Variants in FPR3 observed in about 807,000 individuals in gnomAD.
The protein encoded by FPR3 is formyl peptide receptor 3.
For missense variants in FPR3, 346 were observed against 443.2 expected (o/e 0.78, Z 1.97); for synonymous variants, 135 against 163.6 (o/e 0.83, Z 1.34).
chr19:51,822,030 C>T (rs571786682), intron 1 of FPR3, among the ~76,000 whole-genome samples: 1 of 152,158 alleles, frequency 6.6e-6, no homozygotes, highest in East Asian at 1.9e-4. Context: ...TAACAAATAC[C>T]TTGGATGTTT....
chr19:51,817,387 TAAAG>T (rs371137892), intron 1 of FPR3, among the ~76,000 whole-genome samples: 4 of 151,866 alleles, frequency 2.6e-5, no homozygotes, highest in East Asian at 1.9e-4. Flanking sequence ...CAAGAAATCA[TAAAG>T]AGAGAGAGAG....
At chr19:51,811,938 C>A (rs529894438) in intron 1 of FPR3, among the ~76,000 whole-genome samples, 1 of 152,268 alleles carries the variant, frequency 6.6e-6, no homozygotes, top group East Asian at 1.9e-4. Flanking sequence ...CGGCTCCCTG[C>A]AAGGATCCCA....
intron 1 of FPR3, among the ~76,000 whole-genome samples, chr19:51,819,692 A>G (rs979216717): frequency 2.7e-5 from 4 of 150,848 alleles, no homozygotes; most frequent in Non-Finnish European, 5.9e-5. Flanking sequence ...GTGAGGTGAG[A>G]AAAAAAAAGC....
Position 51,824,790 on chromosome 19 carries a change from A to T in FPR3, c.1042A>T (p.Thr348Ser), listed in dbSNP as rs2084219831. ...DTTSASPPEETELQAM is the reference protein window; with the variant it reads ...DTTSASPPEESELQAM ...CACTTCTGCTTCACCTCCTGAGGAG[A>T]CGGAGTTACAAGCAATGTGAGGTCG... The change falls in exon 2 of 2, where the codon ACG becomes TCG. Residue 348 changes from threonine to serine, a missense_variant. By Grantham distance (58) the Thr-to-Ser change is moderately conservative. Transcript: ENST00000339223. The surrounding 1 kb of genome is among the most constrained non-coding windows in gnomAD (Gnocchi z 4.7). 1.2e-6 allele frequency: 2 copies of T among 1,612,280 alleles called. No homozygotes were observed. Among genetic ancestry groups the T allele is most frequent in the East Asian group, 4.5e-5 (2 of 44,728 alleles).
intron 1 of FPR3, among the ~76,000 whole-genome samples, chr19:51,815,990 C>T (rs1463108672): frequency 6.6e-6 from 1 of 151,968 alleles, no homozygotes; most frequent in East Asian, 1.9e-4. Context: ...TCACTTGAGC[C>T]CAGGAGTTTG....
chr19:51,798,931 A>G (rs952191993), intron 1 of FPR3, among the ~76,000 whole-genome samples: 1 of 151,982 alleles, frequency 6.6e-6, no homozygotes, highest in Non-Finnish European at 1.5e-5. Context: ...CCTGGCCAAC[A>G]TGGTGAAACC....
rs752241328 is a variant in FPR3, at chr19:51,824,101, T to A, written c.353T>A (p.Ile118Asn). The A allele has an allele frequency of 6.2e-7, 1 of 1,614,122 alleles. No homozygotes were observed. The highest frequency in any genetic ancestry group is 8.5e-7 in the Non-Finnish European group (1 of 1,179,986). ...NLFVSVYLIT[I>N]IALDRCICVL... ...TTTGTCAGTGTCTACCTGATCACCA[T>A]CATTGCTCTGGACCGCTGTATTTGT... Residue 118 changes from isoleucine (I) to asparagine (N), a missense_variant, in exon 2 of 2, where the codon ATC becomes AAC. Coordinates refer to ENST00000339223, the MANE Select transcript of FPR3 (RefSeq NM_002030.5). This position sits in a 1 kb window ranked among gnomAD's most constrained non-coding sequence, Gnocchi z 4.7.
intron 1 of FPR3, among the ~76,000 whole-genome samples, chr19:51,820,474 G>C (rs2084180130): frequency 6.6e-6 from 1 of 152,182 alleles, no homozygotes; most frequent in African/African-American, 2.4e-5. Flanking sequence ...ATCATCTCTG[G>C]TCCACGGTTC....
intron 1 of FPR3, among the ~76,000 whole-genome samples, chr19:51,796,427 G>T (rs1480805300): frequency 2.0e-5 from 3 of 152,204 alleles, no homozygotes; most frequent in African/African-American, 7.2e-5. Flanking sequence ...CCATCGGAAG[G>T]TATTGCGAAT....
intron 1 of FPR3, among the ~76,000 whole-genome samples, chr19:51,800,612 C>T (rs992767350): frequency 6.6e-6 from 1 of 152,148 alleles, no homozygotes; most frequent in African/African-American, 2.4e-5. Context: ...TAAGGATGTT[C>T]GTGTGCCTTG....
rs146472974 is a variant in FPR3 at position 51,797,766 on chromosome 19, G to C, written c.-11+2435G>C. Among the ~76,000 whole-genome samples, 1,119 of 152,048 alleles carry C rather than the reference G, an allele frequency of 7.4e-3. 4 individuals carry two copies. Among genetic ancestry groups the C allele is most frequent in the Non-Finnish European group, 0.013 (889 of 67,978 alleles). ...TCTTGTCCTGACCCTGAGCTTCATA[G>C]TGCAGGGTTCGGGATTGTACCCCAC... On this transcript the variant is annotated intron_variant, in intron 1 of 1. Transcript: ENST00000339223.
intron 1 of FPR3, among the ~76,000 whole-genome samples, chr19:51,805,828 G>A (rs1190613293): frequency 6.6e-6 from 1 of 152,114 alleles, no homozygotes; most frequent in African/African-American, 2.4e-5. Flanking sequence ...AAGGCTCTAC[G>A]GGCACAATAA....
At position 51,823,729 on chromosome 19, in the gene FPR3, A is replaced by C; in HGVS notation, c.-10-10A>C. 1 of 1,548,282 alleles carries C rather than the reference A, an allele frequency of 6.5e-7. No homozygotes were observed. Among genetic ancestry groups the C allele is most frequent in the Non-Finnish European group, 8.7e-7 (1 of 1,146,972 alleles). On this transcript the variant is annotated splice_polypyrimidine_tract_variant and intron_variant, in intron 1 of 1. Transcript: ENST00000339223. ...ACAGCTGAGAAATGGCCATTGCTGA[A>C]ATGTTTCAGGTGTGGGAAGATGGAA...
chr19:51,809,940 AG>A (rs1473166765), intron 1 of FPR3, among the ~76,000 whole-genome samples: 2 of 152,034 alleles, frequency 1.3e-5, no homozygotes, highest in Non-Finnish European at 2.9e-5. Flanking sequence ...ATTTCCCAGC[AG>A]GGGGGTGCCA....
chr19:51,812,423 C>T (rs1215509336), intron 1 of FPR3, among the ~76,000 whole-genome samples: 1 of 152,116 alleles, frequency 6.6e-6, no homozygotes, highest in Non-Finnish European at 1.5e-5. Flanking sequence ...GCTGTAGTCC[C>T]ATCTATCAGG....
intron 1 of FPR3, among the ~76,000 whole-genome samples, chr19:51,806,013 C>T (rs1285252554): frequency 2.0e-5 from 3 of 152,210 alleles, no homozygotes; most frequent in Non-Finnish European, 2.9e-5. Context: ...GCAAGATTTA[C>T]AGGTCAACTG....
chr19:51,795,504 C>CTTTTTTTTT lies in FPR3; in HGVS notation c.-11+194_-11+202dup, dbSNP rs58620565. Among the ~76,000 whole-genome samples, 534 of 74,698 alleles carry CTTTTTTTTT rather than the reference C, an allele frequency of 7.1e-3. 81 individuals carry two copies. The highest frequency in any genetic ancestry group is 0.027 in the East Asian group (49 of 1,812). 49.0% of individuals were successfully genotyped at this position (74,698 alleles called of 152,430 possible). On this transcript the variant is annotated intron_variant, in intron 1 of 1. Coordinates refer to ENST00000339223, the MANE Select transcript of FPR3 (RefSeq NM_002030.5). Reference sequence around the variant, plus strand: ...TTTGGTTACATGTTCCAGTAACATTCTTTTTTTTTTTTTTTTTTTTTTTTT... The same window carrying CTTTTTTTTT: ...TTTGGTTACATGTTCCAGTAACATTCTTTTTTTTTTTTTTTTTTTTTTTTTTTTTTTTTT...
chr19:51,800,630 G>GTGGT (rs1315718578), intron 1 of FPR3, among the ~76,000 whole-genome samples: 6 of 152,230 alleles, frequency 3.9e-5, no homozygotes, highest in Non-Finnish European at 8.8e-5. Context: ...TTGTGGTCAG[G>GTGGT]TGGTTGGGCA....
chr19:51,820,239 A>G (rs146369845), intron 1 of FPR3, among the ~76,000 whole-genome samples: 139 of 152,312 alleles, frequency 9.1e-4, no homozygotes, highest in Admixed American at 2.5e-3. Flanking sequence ...CCGAGTTTCC[A>G]TTATAGATTA....
Sources: allele counts gnomAD v4.1 joint callset (sites outside exome capture counted in the v4.1 genomes callset), GRCh38; gene constraint gnomAD v4.1.1; non-coding constraint Gnocchi (gnomAD v3.1); transcripts MANE v1.5; gene names NCBI Gene and HGNC (gene_info 2026-07-23, HGNC 2026-07-21).